The following IDO1 variants were observed in gnomAD, a reference collection of about 807,000 sequenced individuals.
IDO1 encodes the protein indolamine 2,3 dioxygenase.
In IDO1, 35 loss-of-function variants were observed where a neutral mutation model predicts 38.8. The observed-to-expected ratio is 0.90, with a 90% CI of 0.69 to 1.20. The LOEUF is 1.20. Among genes scored for constraint, IDO1 ranks in the 50% most tolerant of loss-of-function variants. The pLI, the probability that IDO1 is intolerant of heterozygous loss-of-function variation, is 0.00. For synonymous variants in IDO1, 171 were observed against 170.0 expected (o/e 1.01, Z -0.05); for missense variants, 509 against 485.1 (o/e 1.05, Z -0.46).
intron 4 of IDO1, among the ~76,000 whole-genome samples, chr8:39,919,196 A>C (rs1168216425): frequency 6.6e-6 from 1 of 152,194 alleles, no homozygotes; most frequent in Non-Finnish European, 1.5e-5. Context: ...ATATACATAC[A>C]TACACCCACC....
chr8:39,915,314 C>A (rs765187663), intron 1 of IDO1, among the ~76,000 whole-genome samples: 1 of 152,110 alleles, frequency 6.6e-6, no homozygotes, highest in Non-Finnish European at 1.5e-5. Flanking sequence ...GAGAAGATTT[C>A]TATGAACATG....
Position 39,928,724 on chromosome 8 carries a change from C to A in IDO1, c.*539C>A, listed in dbSNP as rs1386427137. Among the ~76,000 whole-genome samples, 1 of 141,892 alleles carries A rather than the reference C, an allele frequency of 7.0e-6. No individual in the cohort carries two copies. The highest frequency in any genetic ancestry group is 2.6e-5 in the African/African-American group (1 of 38,236). The allele number at this position is 141,892 out of a possible 152,430, so 93.1% of individuals were successfully genotyped here. Reference sequence around the variant, plus strand: ...ATCCGGCCTGGGCTAAAGAGCGGGACTCCGTCTCAAAAAAAAAAAAAAAAA... The same window carrying A: ...ATCCGGCCTGGGCTAAAGAGCGGGAATCCGTCTCAAAAAAAAAAAAAAAAA... On this transcript the variant is annotated 3_prime_UTR_variant, in exon 10 of 10. Coordinates refer to ENST00000518237, the MANE Select transcript of IDO1 (RefSeq NM_002164.6).
At chr8:39,922,731 G>A in intron 6 of IDO1, 80 bp downstream of exon 6, 1 of 873,928 alleles carries the variant, frequency 1.1e-6, no homozygotes, top group South Asian at 1.4e-5. Flanking sequence ...ACTATACTAA[G>A]CATGAGTTAA....
intron 1 of IDO1, among the ~76,000 whole-genome samples, chr8:39,916,011 C>G (rs1402123711): frequency 6.7e-6 from 1 of 149,108 alleles, no homozygotes; most frequent in Non-Finnish European, 1.5e-5. Context: ...TAAAAAAATA[C>G]AAAAATTCGC....
chr8:39,925,250 C>G lies in IDO1; in HGVS notation c.735C>G (p.Asp245Glu), dbSNP rs775200359. ...SGWKGNPQLS[D>E]GLVYEGFWED... Reference sequence around the variant, plus strand: ...GGAAAGGCAACCCCCAGCTATCAGACGGTCTGGTGTATGAAGGGTTCTGGG... The same window carrying G: ...GGAAAGGCAACCCCCAGCTATCAGAGGGTCTGGTGTATGAAGGGTTCTGGG... The change falls in exon 9 of 10, where the codon GAC (aspartate) becomes GAG (glutamate). Residue 245 changes from aspartate (D) to glutamate (E), a missense_variant. By Grantham distance (45) the Asp-to-Glu change is conservative. Transcript: ENST00000518237. 6.2e-7 allele frequency: 1 copy of G among 1,604,342 alleles called. No individual in the cohort carries two copies. Among genetic ancestry groups the G allele is most frequent in the Non-Finnish European group, 8.5e-7 (1 of 1,175,798 alleles).
At chr8:39,919,987 T>C in intron 4 of IDO1, 113 bp from the exon 5 acceptor site, 1 of 910,624 alleles carries the variant, frequency 1.1e-6, no homozygotes, top group Non-Finnish European at 1.8e-6. Context: ...ACCTATGTCT[T>C]ACCTCTGATA....
intron 1 of IDO1, among the ~76,000 whole-genome samples, chr8:39,917,268 G>A (rs1298204466): frequency 6.6e-6 from 1 of 152,178 alleles, no homozygotes; most frequent in Non-Finnish European, 1.5e-5. Flanking sequence ...GGCCGAGGCA[G>A]GCAGATCACC....
chr8:39,927,006 A>G (rs935162902), intron 9 of IDO1, among the ~76,000 whole-genome samples: 3 of 152,150 alleles, frequency 2.0e-5, no homozygotes, highest in African/African-American at 4.8e-5. Flanking sequence ...CTCCAGCTGC[A>G]TCCATGTTGC....
chr8:39,923,486 C>G lies in IDO1; in HGVS notation c.555C>G (p.Phe185Leu), dbSNP rs376724401. The change falls in exon 7 of 10, where the codon TTC (phenylalanine) becomes TTG (leucine). Residue 185 changes from phenylalanine (F) to leucine (L), a missense_variant. Coordinates refer to ENST00000518237, the MANE Select transcript of IDO1 (RefSeq NM_002164.6). ...TGTTTTAGGTAATTCCTACTGTATT[C>G]AAGGCAATGCAAATGCAAGAACGGG... ...ASAIKVIPTV[F>L]KAMQMQERDT... 15 of 1,595,690 alleles carry G rather than the reference C, an allele frequency of 9.4e-6. No individual in the cohort carries two copies. The highest frequency in any genetic ancestry group is 1.3e-5 in the Non-Finnish European group (15 of 1,164,988).
At chr8:39,921,406 T>C (rs1309542056) in intron 5 of IDO1, among the ~76,000 whole-genome samples, 2 of 152,098 alleles carry the variant, frequency 1.3e-5, no homozygotes, top group African/African-American at 4.8e-5. Context: ...TGAGACGAGA[T>C]TGTGCCATTG....
At chr8:39,914,042 A>G in intron 1 of IDO1, 33 bp downstream of exon 1, 1 of 1,445,922 alleles carries the variant, frequency 6.9e-7, no homozygotes, top group South Asian at 1.2e-5. Context: ...GGGAAAATGC[A>G]TTCTTCTTCT....
chr8:39,915,583 A>C (rs1013058582), intron 1 of IDO1: 2 of 152,046 alleles, frequency 1.3e-5, no homozygotes, highest in Non-Finnish European at 2.9e-5. Flanking sequence ...CAAAAGCACT[A>C]GTTTGCTTTA....
intron 1 of IDO1, among the ~76,000 whole-genome samples, chr8:39,917,264 G>A (rs1183878214): frequency 6.6e-6 from 1 of 152,200 alleles, no homozygotes; most frequent in African/African-American, 2.4e-5. Context: ...GGGAGGCCGA[G>A]GCAGGCAGAT....
At chr8:39,924,632 C>A in intron 7 of IDO1, 89 bp from the exon 8 acceptor site, 1 of 920,472 alleles carries the variant, frequency 1.1e-6, no homozygotes, top group Non-Finnish European at 1.7e-6. Context: ...GCAGCCTGTG[C>A]CAAAATCCAT....
chr8:39,919,043 G>C (rs769582706), intron 4 of IDO1, 110 bp downstream of exon 4: 1 of 783,094 alleles, frequency 1.3e-6, no homozygotes, highest in Admixed American at 1.7e-5. Context: ...TCTCAGCTGG[G>C]TATGGTTCCT....
chr8:39,925,147 T>A, intron 8 of IDO1, 76 bp from the exon 9 acceptor site: 1 of 1,371,554 alleles, frequency 7.3e-7, no homozygotes, highest in Non-Finnish European at 9.8e-7. Flanking sequence ...TCAGCACTAG[T>A]GCAAGATTTG....
At chr8:39,925,001 G>A (rs1291515017) in intron 8 of IDO1, among the ~76,000 whole-genome samples, 2 of 152,136 alleles carry the variant, frequency 1.3e-5, no homozygotes, top group Admixed American at 6.5e-5. Flanking sequence ...TAGTACAAAG[G>A]TAAGATTCCA....
At chr8:39,925,409 T>G in intron 9 of IDO1, 38 bp downstream of exon 9, 1 of 1,569,848 alleles carries the variant, frequency 6.4e-7, no homozygotes, top group East Asian at 2.3e-5. Context: ...ATCTCTTATG[T>G]GAATACAATA....
intron 9 of IDO1, among the ~76,000 whole-genome samples, chr8:39,926,811 A>G (rs1345209785): frequency 6.6e-6 from 1 of 152,148 alleles, no homozygotes; most frequent in Non-Finnish European, 1.5e-5. Context: ...AGTGCCCAAT[A>G]GGTAGTTTTT....
Sources: allele counts gnomAD v4.1 joint callset (sites outside exome capture counted in the v4.1 genomes callset), GRCh38; gene constraint gnomAD v4.1.1; transcripts MANE v1.5; gene names NCBI Gene and HGNC (gene_info 2026-07-23, HGNC 2026-07-21).